The following XPO4 variants were observed in gnomAD, a reference collection of about 807,000 sequenced individuals.
The protein encoded by XPO4 is exportin-4.
In XPO4, 39 loss-of-function variants were observed where a neutral mutation model predicts 143.0. That is an observed-to-expected ratio of 0.27 (90% CI 0.21 to 0.36). XPO4 has a LOEUF of 0.36. XPO4 is among the 10% of genes least tolerant of loss of function. The pLI is 1.00. For missense variants in XPO4, 907 were observed against 1,348.0 expected (o/e 0.67, Z 5.12); for synonymous variants, 439 against 474.0 (o/e 0.93, Z 0.96).
intron 6 of XPO4, among the ~76,000 whole-genome samples, chr13:20,839,589 C>A (rs1257804835): frequency 6.6e-6 from 1 of 152,146 alleles, no homozygotes; most frequent in Non-Finnish European, 1.5e-5. Flanking sequence ...GTAATGCCAG[C>A]ACTTTGGGAG....
At chr13:20,868,764 AT>A in intron 1 of XPO4, 63 bp from the exon 2 acceptor site, 1 of 1,479,148 alleles carries the variant, frequency 6.8e-7, no homozygotes, top group Non-Finnish European at 9.2e-7. Flanking sequence ...TAATATCAAT[AT>A]TTTTACCCAC....
At chr13:20,866,620 A>G (rs779748946) in intron 2 of XPO4, among the ~76,000 whole-genome samples, 26 of 152,216 alleles carry the variant, frequency 1.7e-4, no homozygotes, top group South Asian at 8.3e-4. Context: ...AGGGCTTTGC[A>G]GTACATTAAT....
intron 9 of XPO4, among the ~76,000 whole-genome samples, chr13:20,819,553 G>A (rs2059693008): frequency 1.3e-5 from 2 of 151,982 alleles, no homozygotes; most frequent in South Asian, 4.2e-4. Flanking sequence ...CCAGCTACTC[G>A]GGAGGCTGAT....
chr13:20,902,597 C>A, intron 1 of XPO4, 73 bp downstream of exon 1: 1 of 1,444,390 alleles, frequency 6.9e-7, no homozygotes, highest in Admixed American at 2.8e-5. Context: ...GCCCAGCGAG[C>A]AGCAAGGCCT....
intron 1 of XPO4, among the ~76,000 whole-genome samples, chr13:20,892,206 C>A (rs1419108184): frequency 6.6e-6 from 1 of 152,052 alleles, no homozygotes; most frequent in Non-Finnish European, 1.5e-5. Flanking sequence ...CCTGTCTCAG[C>A]CTCCTGAGTA....
intron 6 of XPO4, among the ~76,000 whole-genome samples, chr13:20,841,738 G>A (rs1489017803): frequency 6.6e-6 from 1 of 151,780 alleles, no homozygotes; most frequent in Non-Finnish European, 1.5e-5. Context: ...TCCTTTAAAT[G>A]TCATAATTTT....
rs746319946 is a variant in XPO4, at chr13:20,799,318, A to G, written c.2169T>C (p.Cys723=). 2.5e-6 allele frequency: 4 copies of G among 1,613,644 alleles called. No individual in the cohort carries two copies. Among genetic ancestry groups the G allele is most frequent in the Non-Finnish European group, 3.4e-6 (4 of 1,179,670 alleles). Reference sequence around the variant, plus strand: ...GCTTAGCTAAATTCCACCAGTTCTCACATTGAATTACTAAGTTTGCCCTAC... The same window carrying G: ...GCTTAGCTAAATTCCACCAGTTCTCGCATTGAATTACTAAGTTTGCCCTAC... ...RRERANLVIQ[C]ENWWNLAKQF... is the part of the protein sequence containing the mutation. The change falls in exon 16 of 23, where the codon TGT becomes TGC. Residue 723 remains cysteine (C), a synonymous_variant. Coordinates refer to ENST00000255305, the MANE Select transcript of XPO4 (RefSeq NM_022459.5).
intron 3 of XPO4, chr13:20,856,265 G>A (rs528443304): frequency 9.9e-6 from 9 of 909,758 alleles, no homozygotes; most frequent in East Asian, 2.4e-4. Flanking sequence ...ATGTGAAAAG[G>A]CAACATACTA....
At chr13:20,853,937 CA>C (rs1194827892) in intron 4 of XPO4, among the ~76,000 whole-genome samples, 1 of 152,040 alleles carries the variant, frequency 6.6e-6, no homozygotes, top group African/African-American at 2.4e-5. Flanking sequence ...AAATTTGCCA[CA>C]AAAATGGCAT....
intron 15 of XPO4, among the ~76,000 whole-genome samples, chr13:20,799,682 C>G (rs1175195170): frequency 6.6e-6 from 1 of 152,060 alleles, no homozygotes; most frequent in Admixed American, 6.5e-5. Flanking sequence ...TATAAGAATT[C>G]AATAAACCAG....
chr13:20,893,777 A>AG (rs1468777595), intron 1 of XPO4, among the ~76,000 whole-genome samples: 1 of 151,918 alleles, frequency 6.6e-6, no homozygotes, highest in East Asian at 1.9e-4. Context: ...AAAAAAAAAA[A>AG]AAAAGAAAGA....
intron 1 of XPO4, chr13:20,902,235 C>T: frequency 3.0e-6 from 3 of 985,348 alleles, no homozygotes; most frequent in Non-Finnish European, 3.6e-6. Flanking sequence ...ACAAGGGTTG[C>T]TAACAGCACC....
chr13:20,879,869 G>A (rs1224658572), intron 1 of XPO4, among the ~76,000 whole-genome samples: 1 of 151,912 alleles, frequency 6.6e-6, no homozygotes, highest in Non-Finnish European at 1.5e-5. Flanking sequence ...ACAACTCAAT[G>A]ACAAAAAACC....
chr13:20,835,838 ACCC>A (rs1207368274), intron 6 of XPO4, among the ~76,000 whole-genome samples: 1 of 151,812 alleles, frequency 6.6e-6, no homozygotes, highest in Non-Finnish European at 1.5e-5. Flanking sequence ...AGCAAGACCA[ACCC>A]CTCCTCTTCC....
chr13:20,822,079 T>G (rs1036925379), intron 8 of XPO4, 53 bp downstream of exon 8: 25 of 1,545,152 alleles, frequency 1.6e-5, no homozygotes, highest in African/African-American at 4.2e-5. Context: ...CTTCTACTGT[T>G]AAACACAAAA....
At chr13:20,790,417 T>G (rs1414047641) in intron 19 of XPO4, 45 bp downstream of exon 19, 1 of 1,423,466 alleles carries the variant, frequency 7.0e-7, no homozygotes, top group Middle Eastern at 1.8e-4. Context: ...TCTTTGAACT[T>G]CAGTTACACA....
chr13:20,843,133 C>A (rs1394949651), intron 5 of XPO4, 85 bp from the exon 6 acceptor site: 7 of 1,318,662 alleles, frequency 5.3e-6, no homozygotes, highest in African/African-American at 1.5e-5. Flanking sequence ...AAAACAAACA[C>A]CTTAAAATTT....
At position 20,895,118 on chromosome 13, in the gene XPO4, C is replaced by A. The variant is rs545202333; in HGVS notation, c.69+7552G>T. The stretch of plus-strand genomic sequence containing the variant: ...GCTTGAACCCGGGAGGCAGGGGTGG[C>A]AGGGAGCCGAGATTGCGCCACTGCA... On this transcript the variant is annotated intron_variant, in intron 1 of 22. Coordinates refer to ENST00000255305, the MANE Select transcript of XPO4 (RefSeq NM_022459.5). Among the ~76,000 whole-genome samples, 12 of 152,028 alleles carry A rather than the reference C, an allele frequency of 7.9e-5. No homozygotes were observed. In the East Asian group the frequency reaches 2.3e-3, roughly 29 times the overall value.
At chr13:20,886,691 T>C (rs1212458778) in intron 1 of XPO4, among the ~76,000 whole-genome samples, 1 of 151,850 alleles carries the variant, frequency 6.6e-6, no homozygotes, top group African/African-American at 2.4e-5. Flanking sequence ...CTAATAAAAT[T>C]GGAGAGGAAA....
Sources: gnomAD v4.1 joint callset for allele counts (sites outside exome capture counted in the v4.1 genomes callset) on GRCh38, gnomAD v4.1.1 for gene constraint, MANE v1.5 for transcripts, NCBI Gene and HGNC (gene_info 2026-07-23, HGNC 2026-07-21) for gene names.